Variants in CHRM3 observed in about 807,000 individuals in gnomAD.
The protein encoded by CHRM3 is muscarinic acetylcholine receptor M3.
Under a neutral mutation model 41.8 loss-of-function variants are expected in CHRM3, and 11 were observed. The ratio of observed to expected loss-of-function variants is 0.26; its 90% CI spans 0.17 to 0.44. The LOEUF (loss-of-function observed/expected upper bound fraction) is 0.44. CHRM3 is among the 20% of genes least tolerant of loss of function. CHRM3 has a pLI of 1.00. For missense variants in CHRM3, 571 were observed against 745.4 expected, an observed-to-expected ratio of 0.77 and a Z score of 2.72; for synonymous variants, 297 against 301.4, an observed-to-expected ratio of 0.99 and a Z score of 0.15.
intron 5 of CHRM3, among the ~76,000 whole-genome samples, chr1:239,769,908 G>T (rs1487177900): frequency 6.6e-6 from 1 of 151,874 alleles, no homozygotes; most frequent in Non-Finnish European, 1.5e-5. Context: ...TTTGCGTTGG[G>T]CTCACCTGTT....
At chr1:239,502,680 C>A (rs779018922) in intron 2 of CHRM3, among the ~76,000 whole-genome samples, 6 of 152,080 alleles carry the variant, frequency 3.9e-5, no homozygotes, top group Admixed American at 2.6e-4. Flanking sequence ...ATGCTAAAAT[C>A]CTTAACAAAA....
intron 1 of CHRM3, among the ~76,000 whole-genome samples, chr1:239,439,299 C>T (rs920526572): frequency 8.5e-5 from 13 of 152,164 alleles, no homozygotes; most frequent in Non-Finnish European, 2.9e-5. Context: ...AAATCTGAAT[C>T]GCTCTGCTGA....
chr1:239,656,476 G>C (rs931152082), intron 4 of CHRM3, among the ~76,000 whole-genome samples: 1 of 147,200 alleles, frequency 6.8e-6, no homozygotes, highest in African/African-American at 2.6e-5. Context: ...AAAGAAAAAA[G>C]AAAAAAGAAA....
chr1:239,555,786 A>G (rs1660292984), intron 3 of CHRM3, among the ~76,000 whole-genome samples: 1 of 152,142 alleles, frequency 6.6e-6, no homozygotes, highest in African/African-American at 2.4e-5. Flanking sequence ...TCTTCAACAA[A>G]ACTGTTTTCC....
chr1:239,478,129 C>G (rs1444409746), intron 1 of CHRM3, among the ~76,000 whole-genome samples: 1 of 152,138 alleles, frequency 6.6e-6, no homozygotes, highest in East Asian at 1.9e-4. Flanking sequence ...AAAGAAATAT[C>G]TGGAGTCTTG....
At chr1:239,855,924 C>A (rs1351300647) in intron 6 of CHRM3, among the ~76,000 whole-genome samples, 4 of 152,172 alleles carry the variant, frequency 2.6e-5, no homozygotes. Flanking sequence ...CTTTAGCAGG[C>A]ATATCAATGT....
At chr1:239,866,270 G>A (rs182484614) in intron 6 of CHRM3, among the ~76,000 whole-genome samples, 1,669 of 152,120 alleles carry the variant, frequency 0.011, 13 homozygotes, top group Non-Finnish European at 0.018. Context: ...CCAGCTACTC[G>A]GGAGGCTGAG....
At chr1:239,558,076 GT>G (rs1424601284) in intron 3 of CHRM3, among the ~76,000 whole-genome samples, 1 of 152,272 alleles carries the variant, frequency 6.6e-6, no homozygotes, top group African/African-American at 2.4e-5. Context: ...TTCCACAATG[GT>G]TTAACTACTT....
chr1:239,398,822 T>C (rs917089346), intron 1 of CHRM3, among the ~76,000 whole-genome samples: 1 of 152,192 alleles, frequency 6.6e-6, no homozygotes, highest in African/African-American at 2.4e-5. Context: ...CCTTTTGTTT[T>C]AGGATTTTTC....
At chr1:239,630,007 A>G (rs972140483) in intron 3 of CHRM3, among the ~76,000 whole-genome samples, 2 of 152,204 alleles carry the variant, frequency 1.3e-5, no homozygotes, top group Non-Finnish European at 2.9e-5. Flanking sequence ...ATTAATTTTC[A>G]ATAGAATGAA....
chr1:239,633,565 T>A (rs190525899), intron 4 of CHRM3, among the ~76,000 whole-genome samples: 3 of 152,304 alleles, frequency 2.0e-5, no homozygotes, highest in Non-Finnish European at 4.4e-5. Context: ...AATATTCTCA[T>A]CTTCCCAGAC....
intron 4 of CHRM3, among the ~76,000 whole-genome samples, chr1:239,665,193 TA>T (rs1673657299): frequency 6.7e-6 from 1 of 149,300 alleles, no homozygotes; most frequent in Non-Finnish European, 1.5e-5. Context: ...AGACTTTTTC[TA>T]GACCTTACCT....
intron 5 of CHRM3, among the ~76,000 whole-genome samples, chr1:239,684,348 C>A (rs894039161): frequency 2.0e-5 from 3 of 152,056 alleles, no homozygotes; most frequent in Non-Finnish European, 4.4e-5. Flanking sequence ...CAGGGATTGC[C>A]TTAAGGATGA....
At chr1:239,846,835 A>C (rs1674306612) in intron 6 of CHRM3, among the ~76,000 whole-genome samples, 1 of 152,234 alleles carries the variant, frequency 6.6e-6, no homozygotes, top group Admixed American at 6.5e-5. Context: ...TAAGCGGCAT[A>C]GAGTAATGCT....
chr1:239,515,526 T>C (rs534503132), intron 2 of CHRM3, among the ~76,000 whole-genome samples: 3 of 152,150 alleles, frequency 2.0e-5, no homozygotes, highest in African/African-American at 7.2e-5. Context: ...TGTTGCAAAC[T>C]AATTTTTCTG....
chr1:239,602,748 A>T (rs1665758094), intron 3 of CHRM3, among the ~76,000 whole-genome samples: 2 of 152,158 alleles, frequency 1.3e-5, no homozygotes, highest in South Asian at 4.1e-4. Flanking sequence ...TTTCAAATTT[A>T]TATTTATAAT....
chr1:239,423,393 C>T (rs1357211124), intron 1 of CHRM3, among the ~76,000 whole-genome samples: 1 of 152,164 alleles, frequency 6.6e-6, no homozygotes, highest in Non-Finnish European at 1.5e-5. Flanking sequence ...ACTCAAAGGC[C>T]ACCTGGATTC....
intron 4 of CHRM3, among the ~76,000 whole-genome samples, chr1:239,647,623 G>A (rs189426974): frequency 3.5e-4 from 54 of 152,160 alleles, no homozygotes; most frequent in Non-Finnish European, 3.4e-4. Flanking sequence ...CCTCCGCTTA[G>A]ACATTTTCCC....
intron 6 of CHRM3, among the ~76,000 whole-genome samples, chr1:239,838,605 G>C (rs1673526041): frequency 6.6e-6 from 1 of 152,098 alleles, no homozygotes; most frequent in African/African-American, 2.4e-5. Flanking sequence ...TAGGCAATGA[G>C]ACCCATGCTC....
Sources: gnomAD v4.1 joint callset for allele counts (sites outside exome capture counted in the v4.1 genomes callset) on GRCh38, gnomAD v4.1.1 for gene constraint, MANE v1.5 for transcripts, NCBI Gene and HGNC (gene_info 2026-07-23, HGNC 2026-07-21) for gene names.